The following TMC6 variants were observed in gnomAD, a reference collection of about 807,000 sequenced individuals.
The protein encoded by TMC6 is transmembrane channel-like protein 6.
A neutral mutation model predicts 95.4 loss-of-function variants in TMC6; 71 were observed. The observed-to-expected ratio is 0.74, with a 90% CI of 0.61 to 0.91. TMC6 has a LOEUF of 0.91. TMC6 is among the 40% of genes least tolerant of loss of function. The probability of loss-of-function intolerance (pLI) is 0.00; values close to 1 mark genes in which losing one functional copy is unlikely to be tolerated. For missense variants in TMC6, 1,074 were observed against 1,079.1 expected, an observed-to-expected ratio of 1.00 and a Z score of 0.07; for synonymous variants, 514 against 483.1, an observed-to-expected ratio of 1.06 and a Z score of -0.84.
In TMC6 at chr17:78,113,411, G is replaced by C. The variant is rs111729911; in HGVS notation, c.2354+137C>G. 2.2e-5 allele frequency: 28 copies of C among 1,256,282 alleles called. 1 individual carries two copies. Among genetic ancestry groups the C allele is most frequent in the African/African-American group, 1.3e-4 (9 of 67,216 alleles). 77.8% of individuals were successfully genotyped at this position (1,256,282 alleles called of 1,614,324 possible). On this transcript the variant is annotated intron_variant, in intron 19 of 19. Transcript: ENST00000590602. ...AGAGAGAGTGAAGGTGGGCGCCGGG[G>C]GGGAGATTTTTGTAGGTCAAAAGCG...
At chr17:78,131,568 C>T, upstream of TMC6, 1 of 1,541,486 alleles carries the variant, frequency 6.5e-7, no homozygotes, top group Admixed American at 2.0e-5. Flanking sequence ...GGCGCCCCAG[C>T]CTCTACCCGT....
chr17:78,121,986 G>C lies in TMC6; in HGVS notation c.1228-275C>G, dbSNP rs995144430. 2.0e-5 allele frequency among the ~76,000 whole-genome samples: 3 copies of C among 152,046 alleles called. No individual in the cohort carries two copies. The highest frequency in any genetic ancestry group is 7.2e-5 in the African/African-American group (3 of 41,402). On this transcript the variant is annotated intron_variant, in intron 10 of 19. Coordinates refer to ENST00000590602, the MANE Select transcript of TMC6 (RefSeq NM_001127198.5). The surrounding 1 kb of genome is among the most constrained non-coding windows in gnomAD (Gnocchi z 5.6). ...CAACCCCTCTCCACCCACCTCCCCAGCCCTGCCCGCTGGGGCAGGGGCCTT... is the reference window on the plus strand; with the variant it reads ...CAACCCCTCTCCACCCACCTCCCCACCCCTGCCCGCTGGGGCAGGGGCCTT...
chr17:78,115,536 G>A (rs1266429706), intron 18 of TMC6, among the ~76,000 whole-genome samples: 1 of 152,224 alleles, frequency 6.6e-6, no homozygotes, highest in Non-Finnish European at 1.5e-5. Context: ...AGGAGGCCAG[G>A]CTGGGTAGCC....
At position 78,117,839 on chromosome 17, in the gene TMC6, G is replaced by A; in HGVS notation, c.1984C>T (p.Leu662=). The change falls in exon 16 of 20, where the codon CTG becomes TTG. Residue 662 remains leucine, a synonymous_variant. Coordinates refer to ENST00000590602, the MANE Select transcript of TMC6 (RefSeq NM_001127198.5). The part of the protein sequence containing the change: ...FLTLLCFPAF[L]GAAVFLCYAV... ...TAGCAGAGGAAGACAGCGGCGCCCA[G>A]GAAGGCGGGGAAGCAGAGCAGCGTG... 4 of 1,607,864 alleles carry A rather than the reference G, an allele frequency of 2.5e-6. No individual in the cohort carries two copies. The highest frequency in any genetic ancestry group is 3.4e-6 in the Non-Finnish European group (4 of 1,177,372).
chr17:78,122,205 C>T lies in TMC6; in HGVS notation c.1227+400G>A, dbSNP rs1598855914. Among the ~76,000 whole-genome samples the T allele has an allele frequency of 6.6e-6, 1 of 152,150 alleles. No homozygotes were observed. The highest frequency in any genetic ancestry group is 2.1e-4 in the South Asian group (1 of 4,834). ...CCGCAACCTCTACGAGGGCCTCGGC[C>T]TCTATGCCTCAGTCTCCTCTCTGAG... On this transcript the variant is annotated intron_variant, in intron 10 of 19. Transcript: ENST00000590602. The surrounding 1 kb of genome is among the most constrained non-coding windows in gnomAD (Gnocchi z 4.9).
chr17:78,112,872 A>C lies in TMC6; in HGVS notation c.*276T>G. On this transcript the variant is annotated 3_prime_UTR_variant, in exon 20 of 20. Transcript: ENST00000590602. ...TGGAGGTGGCCCCAGGGCAGCGGGA[A>C]GCAGGCCCCGGGTGTGGTCACAGAC... The C allele has an allele frequency of 4.0e-6, 2 of 497,530 alleles. No homozygotes were observed. Among genetic ancestry groups the C allele is most frequent in the African/African-American group, 2.0e-5 (1 of 50,032 alleles). The allele number at this position is 497,530 out of a possible 1,614,324, so 30.8% of individuals were successfully genotyped here.
Position 78,111,152 on chromosome 17 carries a change from A to G in TMC6, c.*1996T>C, listed in dbSNP as rs1203588156. 2 of 152,316 alleles carry G rather than the reference A, an allele frequency of 1.3e-5. No homozygotes were observed. The highest frequency in any genetic ancestry group is 4.8e-5 in the African/African-American group (2 of 41,464). The allele number at this position is 152,316 out of a possible 1,614,324, so 9.4% of individuals were successfully genotyped here. A position where few individuals can be genotyped will look rare whatever the true frequency, so the allele number is the denominator to read the frequency against. On this transcript the variant is annotated 3_prime_UTR_variant, in exon 20 of 20. Transcript: ENST00000590602. ...GAAATCGACTGTAGGTGTTCACCAC[A>G]TTCCAGCAGCACACGATCACAGCAA...
upstream of TMC6, chr17:78,128,799 G>GGGGT (rs2074876814): frequency 2.1e-4 from 1 of 4,830 alleles, no homozygotes; most frequent in Non-Finnish European, 4.8e-4. The surrounding 1 kb of genome is among the most constrained non-coding windows in gnomAD (Gnocchi z 4.0). Flanking sequence ...CCACGTGGGC[G>GGGGT]GGGGGGGGGG....
intron 18 of TMC6, among the ~76,000 whole-genome samples, chr17:78,116,915 T>C (rs1385918790): frequency 1.3e-5 from 2 of 152,142 alleles, no homozygotes; most frequent in Non-Finnish European, 2.9e-5. Context: ...CTCTCAACCT[T>C]AATCCACCTG....
rs1338150971 is a variant in TMC6, at chr17:78,119,002, A to T, written c.1856T>A (p.Ile619Asn). ...FSPLLPAVQI[I>N]KLLLVFYVKK... ...GACATAGAAGACGAGCAGCAGCTTG[A>T]TGATCTGCACGGCGGGGAGGAGGGG... Residue 619 changes from isoleucine (I) to asparagine (N), a missense_variant, in exon 15 of 20, where the codon ATC (isoleucine) becomes AAC (asparagine). By Grantham distance (149) the Ile-to-Asn change is moderately radical. Transcript: ENST00000590602. The T allele has an allele frequency of 7.5e-6, 12 of 1,605,576 alleles. No individual in the cohort carries two copies. In the Admixed American group the frequency reaches 1.9e-4, roughly 25 times the overall value.
Position 78,113,548 on chromosome 17 carries a change from C to G in TMC6, c.2354G>C (p.Arg785Thr), listed in dbSNP as rs763777731. Reference sequence around the variant, plus strand: ...CCCCAATCCCTCCACGGACCCTCACCTGCTCCTCTCCTCCCTCTCCTTCCT... The same window carrying G: ...CCCCAATCCCTCCACGGACCCTCACGTGCTCCTCTCCTCCCTCTCCTTCCT... ...YERKEREERS[R>T]VGTTEEAAAP... Residue 785 changes from arginine to threonine, a missense_variant and splice_region_variant, in exon 19 of 20, where the codon AGG becomes ACG. Transcript: ENST00000590602. 376 of 1,613,912 alleles carry G rather than the reference C, an allele frequency of 2.3e-4. 1 individual carries two copies. Among genetic ancestry groups the G allele is most frequent in the Non-Finnish European group, 3.1e-4 (371 of 1,180,028 alleles).
intron 19 of TMC6, 72 bp downstream of exon 19, chr17:78,113,476 G>A (rs1457041246): frequency 6.5e-7 from 1 of 1,548,932 alleles, no homozygotes; most frequent in African/African-American, 1.4e-5. Context: ...CCCAGTGGCA[G>A]CCCTACTGTC....
upstream of TMC6, chr17:78,132,411 G>A: frequency 1.2e-6 from 2 of 1,612,908 alleles, no homozygotes; most frequent in South Asian, 2.2e-5. Flanking sequence ...GCTTCCTGCT[G>A]CTACTCAACC....
Position 78,121,430 on chromosome 17 carries a change from G to A in TMC6, c.1383+126C>T. On this transcript the variant is annotated intron_variant, in intron 11 of 19. Coordinates refer to ENST00000590602, the MANE Select transcript of TMC6 (RefSeq NM_001127198.5). This position sits in a 1 kb window ranked among gnomAD's most constrained non-coding sequence, Gnocchi z 5.6. ...GGAGGGGGCCCCAGCACGGGGCACA[G>A]CGTACGTGGCACCCTGGGCTGGCTG... 1.3e-6 allele frequency: 2 copies of A among 1,509,236 alleles called. No individual in the cohort carries two copies. The highest frequency in any genetic ancestry group is 1.2e-5 in the South Asian group (1 of 84,220). 93.5% of individuals were successfully genotyped at this position (1,509,236 alleles called of 1,614,324 possible).
At chr17:78,120,308 C>T (rs977339244) in intron 13 of TMC6, 19 of 392,236 alleles carry the variant, frequency 4.8e-5, no homozygotes, top group East Asian at 1.4e-4. Flanking sequence ...TACTGGTGTG[C>T]GCCACCACGC....
Position 78,128,241 on chromosome 17 carries a change from T to C in TMC6, c.-75+371A>G, listed in dbSNP as rs1437162397. On this transcript the variant is annotated intron_variant, in intron 1 of 19. Transcript: ENST00000590602. This position sits in a 1 kb window ranked among gnomAD's most constrained non-coding sequence, Gnocchi z 4.0. Reference sequence around the variant, plus strand: ...CCGCTACCCAGGGAGAACCGCAACCTGGCCCCAGAGCCCAGAGCGGCTGCA... The same window carrying C: ...CCGCTACCCAGGGAGAACCGCAACCCGGCCCCAGAGCCCAGAGCGGCTGCA... Among the ~76,000 whole-genome samples the C allele has an allele frequency of 6.6e-6, 1 of 152,020 alleles. No individual in the cohort carries two copies. Among genetic ancestry groups the C allele is most frequent in the Non-Finnish European group, 1.5e-5 (1 of 67,994 alleles).
At position 78,121,532 on chromosome 17, in the gene TMC6, G is replaced by T. The variant is rs898889235; in HGVS notation, c.1383+24C>A. The T allele has an allele frequency of 3.7e-6, 6 of 1,610,692 alleles. No individual in the cohort carries two copies. In the East Asian group the frequency reaches 6.7e-5, roughly 18 times the overall value. On this transcript the variant is annotated intron_variant, in intron 11 of 19. Coordinates refer to ENST00000590602, the MANE Select transcript of TMC6 (RefSeq NM_001127198.5). This position sits in a 1 kb window ranked among gnomAD's most constrained non-coding sequence, Gnocchi z 5.6. ...CACTGGGGACACGTTCCAAGCAAGG[G>T]CCAGGCTCCCCCCATCCCCGCACCT... is the stretch of plus-strand genomic sequence containing the variant.
Position 78,117,577 on chromosome 17 carries a change from A to C in TMC6, c.2089T>G (p.Trp697Gly). 2 of 1,587,510 alleles carry C rather than the reference A, an allele frequency of 1.3e-6. No individual in the cohort carries two copies. The highest frequency in any genetic ancestry group is 8.6e-7 in the Non-Finnish European group (1 of 1,168,582). ...LDTMYEAGRV[W>G]VRHLEAAGPR... ...CCTGCCGCCTCCAGGTGGCGCACCCACACCCTGCCGGCCTCGTACATGGTG... is the reference window on the plus strand; with the variant it reads ...CCTGCCGCCTCCAGGTGGCGCACCCCCACCCTGCCGGCCTCGTACATGGTG... Residue 697 changes from tryptophan (W) to glycine (G), a missense_variant, in exon 17 of 20, where the codon TGG becomes GGG. Coordinates refer to ENST00000590602, the MANE Select transcript of TMC6 (RefSeq NM_001127198.5).
chr17:78,122,669 TC>T lies in TMC6; in HGVS notation c.1162del (p.Asp388ThrfsTer4), dbSNP rs776860184. On this transcript the variant is annotated frameshift_variant, in exon 10 of 20. Transcript: ENST00000590602. LOFTEE classifies it high-confidence loss of function. The surrounding 1 kb of genome is among the most constrained non-coding windows in gnomAD (Gnocchi z 4.9). ...GGCCCGCTTCTGCGTCACCTTGTAGTCCCAGGAGCAGAAGACGGTGATGGCG... is the reference window on the plus strand; with the variant it reads ...GGCCCGCTTCTGCGTCACCTTGTAGTCCAGGAGCAGAAGACGGTGATGGCG... ...IHAITVFCSWDYKVTQKRASR... is the reference protein window; with the variant it reads ...IHAITVFCSWXYKVTQKRASR... 3 of 1,612,078 alleles carry T rather than the reference TC, an allele frequency of 1.9e-6. No individual in the cohort carries two copies. In the African/African-American group the frequency reaches 4.0e-5, roughly 22 times the overall value.
Sources: gnomAD v4.1 joint callset for allele counts (sites outside exome capture counted in the v4.1 genomes callset) on GRCh38, gnomAD v4.1.1 for gene constraint, Gnocchi (gnomAD v3.1) non-coding constraint, MANE v1.5 for transcripts, NCBI Gene and HGNC (gene_info 2026-07-23, HGNC 2026-07-21) for gene names.